The following MAGI2 variants were observed in gnomAD, a reference collection of about 807,000 sequenced individuals.
MAGI2 encodes the protein membrane-associated guanylate kinase, WW and PDZ domain-containing protein 2.
Under a neutral mutation model 133.3 loss-of-function variants are expected in MAGI2, and 35 were observed. The ratio of observed to expected loss-of-function variants is 0.26; its 90% confidence interval spans 0.20 to 0.35. The LOEUF is 0.35. MAGI2 is among the 10% of genes least tolerant of loss of function. MAGI2 has a pLI of 1.00. For synonymous variants in MAGI2, 729 were observed against 710.6 expected, an observed-to-expected ratio of 1.03 and a Z score of -0.41; for missense variants, 1,636 against 1,863.4, an observed-to-expected ratio of 0.88 and a Z score of 2.25.
At chr7:78,099,145 C>G (rs1008536403) in intron 20 of MAGI2, among the ~76,000 whole-genome samples, 17 of 152,124 alleles carry the variant, frequency 1.1e-4, no homozygotes, top group Non-Finnish European at 2.4e-4. Flanking sequence ...TATTAAGTAT[C>G]AGTTCCTAAC....
chr7:78,058,620 T>C (rs75504791), intron 21 of MAGI2, among the ~76,000 whole-genome samples: 7,330 of 152,070 alleles, frequency 0.048, 204 homozygotes, highest in South Asian at 0.077. Context: ...TACAGGCGCC[T>C]GCCACCACGC....
At chr7:78,371,349 T>C (rs1793894122) in intron 6 of MAGI2, among the ~76,000 whole-genome samples, 2 of 151,932 alleles carry the variant, frequency 1.3e-5, no homozygotes, top group South Asian at 4.1e-4. Flanking sequence ...AATTTATTAA[T>C]ATGGTTCGAT....
In MAGI2 at chr7:78,637,677, A is replaced by T. The variant is rs1488977945; in HGVS notation, c.419-10438T>A. On this transcript the variant is annotated intron_variant, in intron 2 of 21. Coordinates refer to ENST00000354212, the MANE Select transcript of MAGI2 (RefSeq NM_012301.4). ...ATACACTTTGGAATTAGTACTCATA[A>T]AGCTCTCTGTTATAACAAATTATTT... Among the ~76,000 whole-genome samples, 4 of 151,458 alleles carry T rather than the reference A, an allele frequency of 2.6e-5. No individual in the cohort carries two copies. In the East Asian group the frequency reaches 7.8e-4, roughly 29 times the overall value.
intron 2 of MAGI2, among the ~76,000 whole-genome samples, chr7:78,868,119 A>T (rs1163393662): frequency 6.6e-6 from 1 of 152,252 alleles, no homozygotes; most frequent in African/African-American, 2.4e-5. Flanking sequence ...AATTGGTGAC[A>T]TAGATGACGA....
chr7:78,774,277 G>T (rs1411932714), intron 2 of MAGI2, among the ~76,000 whole-genome samples: 1 of 152,150 alleles, frequency 6.6e-6, no homozygotes, highest in South Asian at 2.1e-4. Context: ...ACAGAAAAAA[G>T]ACTATTTAGA....
intron 3 of MAGI2, chr7:78,618,411 T>C (rs528643874): frequency 9.9e-5 from 15 of 152,118 alleles, no homozygotes; most frequent in African/African-American, 3.4e-4. Context: ...ATCAGTTTTG[T>C]TATCCAATTT....
At chr7:78,814,621 T>C (rs1240009456) in intron 2 of MAGI2, among the ~76,000 whole-genome samples, 4 of 152,240 alleles carry the variant, frequency 2.6e-5, no homozygotes, top group Non-Finnish European at 4.4e-5. Context: ...TCTTTGTGTG[T>C]GTGTGTGTGC....
intron 1 of MAGI2, among the ~76,000 whole-genome samples, chr7:79,235,437 A>G (rs1387502809): frequency 6.6e-6 from 1 of 152,098 alleles, no homozygotes; most frequent in African/African-American, 2.4e-5. Flanking sequence ...TGTGCTAGCA[A>G]TCAGCGAGAC....
intron 6 of MAGI2, among the ~76,000 whole-genome samples, chr7:78,455,208 C>T (rs145433583): frequency 1.3e-5 from 2 of 152,120 alleles, no homozygotes; most frequent in African/African-American, 4.8e-5. Flanking sequence ...ACTTTCTGTT[C>T]AAGTTTTCTA....
At chr7:79,315,412 T>C (rs1838642350) in intron 1 of MAGI2, among the ~76,000 whole-genome samples, 1 of 150,266 alleles carries the variant, frequency 6.7e-6, no homozygotes, top group African/African-American at 2.5e-5. Flanking sequence ...TGACCTCAGG[T>C]GATCCACCCG....
chr7:78,110,226 C>T (rs923768915), intron 20 of MAGI2, among the ~76,000 whole-genome samples: 1 of 152,178 alleles, frequency 6.6e-6, no homozygotes, highest in Admixed American at 6.5e-5. Context: ...CCTTTCTGGG[C>T]TTTCATTCTT....
chr7:78,554,341 C>A (rs1440211973), intron 3 of MAGI2, among the ~76,000 whole-genome samples: 1 of 152,204 alleles, frequency 6.6e-6, no homozygotes, highest in African/African-American at 2.4e-5. Flanking sequence ...CACTTCTGAG[C>A]TAATCAAGTT....
intron 9 of MAGI2, among the ~76,000 whole-genome samples, chr7:78,321,484 A>T (rs1787999539): frequency 6.6e-6 from 1 of 152,196 alleles, no homozygotes; most frequent in Admixed American, 6.5e-5. Context: ...CAACCATCTG[A>T]TCTTTGACAA....
intron 1 of MAGI2, among the ~76,000 whole-genome samples, chr7:79,402,219 A>G (rs2129163517): frequency 1.3e-5 from 2 of 152,266 alleles, no homozygotes; most frequent in South Asian, 4.1e-4. Context: ...TAATGAAATG[A>G]CTATTAGTTG....
chr7:78,274,131 G>A (rs1323439402), intron 9 of MAGI2, among the ~76,000 whole-genome samples: 1 of 151,344 alleles, frequency 6.6e-6, no homozygotes, highest in Non-Finnish European at 1.5e-5. Flanking sequence ...GAGTGGATGT[G>A]CTTTTTGTTG....
chr7:79,224,975 T>C (rs1297124937), intron 1 of MAGI2, among the ~76,000 whole-genome samples: 5 of 152,224 alleles, frequency 3.3e-5, no homozygotes. Flanking sequence ...AATTATATCT[T>C]AATAAACTTT....
intron 1 of MAGI2, among the ~76,000 whole-genome samples, chr7:79,372,342 G>A (rs967967675): frequency 2.0e-5 from 3 of 152,082 alleles, no homozygotes. Context: ...CGCAGGAAGA[G>A]ATGTAAAGAA....
At chr7:78,627,792 A>G (rs558029314) in intron 2 of MAGI2, among the ~76,000 whole-genome samples, 3 of 152,328 alleles carry the variant, frequency 2.0e-5, no homozygotes, top group Non-Finnish European at 2.9e-5. Context: ...AACCTTTACT[A>G]TTACTTAAAA....
chr7:78,664,837 A>G (rs73378300), intron 2 of MAGI2, among the ~76,000 whole-genome samples: 2,334 of 152,120 alleles, frequency 0.015, 68 homozygotes, highest in African/African-American at 0.053. Context: ...CTTTTATTTA[A>G]ACTAACTTTT....
Sources: allele counts gnomAD v4.1 joint callset (sites outside exome capture counted in the v4.1 genomes callset), GRCh38; gene constraint gnomAD v4.1.1; transcripts MANE v1.5; gene names NCBI Gene and HGNC (gene_info 2026-07-23, HGNC 2026-07-21).